Variants in CDK14 observed in about 807,000 individuals in gnomAD.
CDK14 encodes the protein cyclin dependent kinase 14, also known as cyclin-dependent kinase 14.
Under a neutral mutation model 60.7 loss-of-function variants are expected in CDK14, and 34 were observed. The ratio of observed to expected loss-of-function variants is 0.56; its 90% CI spans 0.43 to 0.75. The LOEUF (loss-of-function observed/expected upper bound fraction) is 0.75. Among genes scored for constraint, CDK14 ranks in the 30% least tolerant of loss-of-function variants. The pLI, the probability that CDK14 is intolerant of heterozygous loss-of-function variation, is 0.00. For synonymous variants in CDK14, 197 were observed against 203.7 expected (o/e 0.97, Z 0.28); for missense variants, 482 against 564.1 (o/e 0.85, Z 1.47).
chr7:90,828,103 A>G (rs2117099941), intron 5 of CDK14, among the ~76,000 whole-genome samples: 1 of 152,314 alleles, frequency 6.6e-6, no homozygotes, highest in African/African-American at 2.4e-5. Context: ...CCTAAACTTA[A>G]CCTCCAAGGT....
chr7:91,151,230 A>G (rs902175221), intron 14 of CDK14, among the ~76,000 whole-genome samples: 1 of 152,140 alleles, frequency 6.6e-6, no homozygotes, highest in Non-Finnish European at 1.5e-5. Context: ...TGAGAACTCA[A>G]AAGTCCCAGT....
Position 91,012,057 on chromosome 7 carries a change from T to C in CDK14, c.1041+27816T>C, listed in dbSNP as rs548645113. Among the ~76,000 whole-genome samples the C allele has an allele frequency of 5.9e-5, 9 of 152,314 alleles. No homozygotes were observed. In the South Asian group the frequency reaches 1.9e-3, roughly 32 times the overall value. On this transcript the variant is annotated intron_variant, in intron 10 of 14. Coordinates refer to ENST00000380050, the MANE Select transcript of CDK14 (RefSeq NM_001287135.2). ...AGATATTTTTATATTCCTAAAAATA[T>C]TCTTCAGCTTGTTCTGTGACATGTT... is the stretch of plus-strand genomic sequence containing the variant.
At chr7:90,731,248 T>C (rs1802854368) in intron 3 of CDK14, among the ~76,000 whole-genome samples, 1 of 152,226 alleles carries the variant, frequency 6.6e-6, no homozygotes, top group African/African-American at 2.4e-5. Flanking sequence ...CTGTTTTTGT[T>C]ACTGTAGCCT....
intron 2 of CDK14, among the ~76,000 whole-genome samples, chr7:90,670,554 C>T (rs1224298292): frequency 6.6e-6 from 1 of 152,128 alleles, no homozygotes; most frequent in Non-Finnish European, 1.5e-5. Context: ...ATGCCAGCAT[C>T]TCCTTGGCTT....
chr7:90,885,101 T>G (rs1791898111), intron 6 of CDK14, among the ~76,000 whole-genome samples: 1 of 151,952 alleles, frequency 6.6e-6, no homozygotes, highest in Non-Finnish European at 1.5e-5. Flanking sequence ...CTAATTAAAC[T>G]TAAGAGCTTC....
intron 5 of CDK14, among the ~76,000 whole-genome samples, chr7:90,805,988 C>G (rs923051739): frequency 1.3e-5 from 2 of 151,972 alleles, no homozygotes; most frequent in East Asian, 1.9e-4. Context: ...AAAAATGAAC[C>G]CTGACATTTG....
chr7:90,823,236 G>T (rs779507512), intron 5 of CDK14, among the ~76,000 whole-genome samples: 24 of 152,130 alleles, frequency 1.6e-4, no homozygotes, highest in Non-Finnish European at 3.2e-4. Context: ...ACAGAGCCAA[G>T]CTACCAGATT....
chr7:90,763,154 G>T (rs565545583), intron 4 of CDK14, among the ~76,000 whole-genome samples: 1 of 152,260 alleles, frequency 6.6e-6, no homozygotes, highest in South Asian at 2.1e-4. Context: ...GTCAAAATAC[G>T]TGAGGCAAAA....
chr7:91,138,947 A>G (rs965999950), intron 14 of CDK14, among the ~76,000 whole-genome samples: 4 of 152,110 alleles, frequency 2.6e-5, no homozygotes, highest in Non-Finnish European at 5.9e-5. Context: ...TCTCTAGTCC[A>G]TGTGATGGAA....
chr7:91,148,411 A>G (rs944669406), intron 14 of CDK14, among the ~76,000 whole-genome samples: 1 of 152,216 alleles, frequency 6.6e-6, no homozygotes, highest in Non-Finnish European at 1.5e-5. Context: ...TGATGTGCAT[A>G]TAACTACATT....
intron 5 of CDK14, among the ~76,000 whole-genome samples, chr7:90,832,948 G>C (rs951473511): frequency 6.6e-6 from 1 of 152,152 alleles, no homozygotes; most frequent in African/African-American, 2.4e-5. Flanking sequence ...GTGTCTGCAT[G>C]ATCTCTTCTC....
At chr7:90,710,889 C>T (rs1429290820) in intron 2 of CDK14, among the ~76,000 whole-genome samples, 1 of 151,970 alleles carries the variant, frequency 6.6e-6, no homozygotes, top group African/African-American at 2.4e-5. Context: ...ACTTGAAGGA[C>T]ATGTTTTAAT....
intron 5 of CDK14, among the ~76,000 whole-genome samples, chr7:90,827,574 G>T (rs548220329): frequency 9.9e-5 from 15 of 152,176 alleles, no homozygotes; most frequent in Non-Finnish European, 1.6e-4. Flanking sequence ...GATAGAACAC[G>T]GAGGGTTTAA....
intron 11 of CDK14, among the ~76,000 whole-genome samples, chr7:91,062,373 T>A (rs1797829935): frequency 6.6e-6 from 1 of 152,140 alleles, no homozygotes; most frequent in African/African-American, 2.4e-5. Context: ...CTCTACCTGC[T>A]TCGGCTCACA....
chr7:91,036,445 A>G (rs2115971526), intron 10 of CDK14, among the ~76,000 whole-genome samples: 1 of 152,268 alleles, frequency 6.6e-6, no homozygotes, highest in South Asian at 2.1e-4. Context: ...GGAATTCACA[A>G]GTCCACTTAG....
intron 10 of CDK14, among the ~76,000 whole-genome samples, chr7:91,025,167 T>A (rs1162899112): frequency 6.6e-6 from 1 of 152,116 alleles, no homozygotes; most frequent in Non-Finnish European, 1.5e-5. Flanking sequence ...ATGGCATACA[T>A]TAATAAAAGA....
At chr7:90,755,689 CA>C (rs1385444866) in intron 4 of CDK14, among the ~76,000 whole-genome samples, 1 of 152,056 alleles carries the variant, frequency 6.6e-6, no homozygotes, top group Non-Finnish European at 1.5e-5. Flanking sequence ...GGATAAAAAA[CA>C]AAATCCAGAG....
In CDK14 at chr7:90,895,434, T is replaced by A. The variant is rs537176202; in HGVS notation, c.640-3857T>A. ...TCCTCTCCTCTCCTCTCCTCTCCTCTCCTCTCCTCCCCTCCCCTCCCCTCC... is the reference window on the plus strand; with the variant it reads ...TCCTCTCCTCTCCTCTCCTCTCCTCACCTCTCCTCCCCTCCCCTCCCCTCC... On this transcript the variant is annotated intron_variant, in intron 6 of 14. Coordinates refer to ENST00000380050, the MANE Select transcript of CDK14 (RefSeq NM_001287135.2). Among the ~76,000 whole-genome samples, 93 of 16,934 alleles carry A rather than the reference T, an allele frequency of 5.5e-3. 2 individuals carry two copies. The highest frequency in any genetic ancestry group is 0.036 in the Middle Eastern group (1 of 28). The allele number at this position is 16,934 out of a possible 152,430, so 11.1% of individuals were successfully genotyped here.
intron 2 of CDK14, among the ~76,000 whole-genome samples, chr7:90,640,209 C>T (rs970386292): frequency 5.9e-5 from 9 of 152,076 alleles, no homozygotes; most frequent in South Asian, 2.1e-4. Flanking sequence ...CCGTCTTCTG[C>T]GTGGCTCACG....
Sources: gnomAD v4.1 joint callset for allele counts (sites outside exome capture counted in the v4.1 genomes callset) on GRCh38, gnomAD v4.1.1 for gene constraint, MANE v1.5 for transcripts, NCBI Gene and HGNC (gene_info 2026-07-23, HGNC 2026-07-21) for gene names.